The following KNDC1 variants were observed in gnomAD, a reference collection of about 807,000 sequenced individuals.
KNDC1 encodes the protein kinase non-catalytic C-lobe domain-containing protein 1.
A neutral mutation model predicts 172.8 loss-of-function variants in KNDC1; 106 were observed. That is an observed-to-expected ratio of 0.61 (90% confidence interval 0.52 to 0.72). KNDC1 has a LOEUF of 0.72. Among genes scored for constraint, KNDC1 ranks in the 30% least tolerant of loss-of-function variants. The pLI, the probability that KNDC1 is intolerant of heterozygous loss-of-function variation, is 0.00. For synonymous variants in KNDC1, 1,083 were observed against 1,062.2 expected, an observed-to-expected ratio of 1.02 and a Z score of -0.38; for missense variants, 2,325 against 2,394.5, an observed-to-expected ratio of 0.97 and a Z score of 0.61.
chr10:133,184,974 C>G (rs1564883314), intron 5 of KNDC1, among the ~76,000 whole-genome samples: 1 of 152,284 alleles, frequency 6.6e-6, no homozygotes, highest in Non-Finnish European at 1.5e-5. Context: ...ATTCTGGTGT[C>G]TCTCAGGCCG....
At position 133,224,912 on chromosome 10, in the gene KNDC1, A is replaced by G. The variant is rs981773893; in HGVS notation, c.*22A>G. 1.9e-6 allele frequency: 3 copies of G among 1,585,552 alleles called. No individual in the cohort carries two copies. In the Admixed American group the frequency reaches 5.0e-5, roughly 27 times the overall value. On this transcript the variant is annotated 3_prime_UTR_variant, in exon 30 of 30. Transcript: ENST00000304613. This position sits in a 1 kb window ranked among gnomAD's most constrained non-coding sequence, Gnocchi z 5.4. The stretch of plus-strand genomic sequence containing the variant: ...GTAGCCGAGCTCGGGCCTGGTGTGG[A>G]ATTCCAGATCCGAATCCGACTGTGG...
chr10:133,195,626 C>G (rs766682287), intron 9 of KNDC1, 37 bp from the exon 10 acceptor site: 1 of 1,499,668 alleles, frequency 6.7e-7, no homozygotes, highest in Non-Finnish European at 8.9e-7. Flanking sequence ...CAGCCCACAG[C>G]CCTGCGGTAG....
Position 133,212,886 on chromosome 10 carries a change from T to C in KNDC1, c.4407T>C (p.Thr1469=). 6.2e-6 allele frequency: 10 copies of C among 1,613,486 alleles called. No individual in the cohort carries two copies. Among genetic ancestry groups the C allele is most frequent in the Non-Finnish European group, 8.5e-6 (10 of 1,179,662 alleles). ...CCTACTTCCTGACGGAGTACAGCAC[T>C]CACCAGCTCTTCAGCCAGCTCACGC... ...KGPYFLTEYS[T]HQLFSQLTLL... Residue 1469 remains threonine, a synonymous_variant, in exon 24 of 30, where the codon ACT becomes ACC. Transcript: ENST00000304613.
Position 133,207,135 on chromosome 10 carries a change from A to C in KNDC1, c.3580-2A>C, listed in dbSNP as rs1252758227. The C allele has an allele frequency of 1.3e-6, 2 of 1,583,350 alleles. No homozygotes were observed. Among genetic ancestry groups the C allele is most frequent in the Non-Finnish European group, 1.7e-6 (2 of 1,165,758 alleles). On this transcript the variant is annotated splice_acceptor_variant, in intron 19 of 29. Coordinates refer to ENST00000304613, the MANE Select transcript of KNDC1 (RefSeq NM_152643.8). LOFTEE classifies it high-confidence loss of function. ...CCAAGCGCCCGTGTCCCGCTCCGGC[A>C]GGTCATGTACGCGGAACGCTGGGGC... is the stretch of plus-strand genomic sequence containing the variant.
At chr10:133,175,030 G>A (rs1407104385) in intron 3 of KNDC1, among the ~76,000 whole-genome samples, 1 of 150,278 alleles carries the variant, frequency 6.7e-6, no homozygotes, top group African/African-American at 2.5e-5. Context: ...TGGAAAGATG[G>A]GTGGAAAGGT....
chr10:133,179,363 C>T (rs1853649468), intron 3 of KNDC1: 1 of 152,210 alleles, frequency 6.6e-6, no homozygotes, highest in Admixed American at 6.5e-5. Context: ...GTGGACCCAC[C>T]ACGCTGAGTG....
Position 133,186,373 on chromosome 10 carries a change from G to A in KNDC1, c.1025G>A (p.Arg342Lys), listed in dbSNP as rs764753310. Reference protein sequence around the residue: ...PISELFSPDPRKAFLDRKNGL... With the variant: ...PISELFSPDPKKAFLDRKNGL... ...TCGGAATTATTCTCTCCGGACCCCA[G>A]GAAGGCCTTTCTGGACAGGAAAAAT... is the stretch of plus-strand genomic sequence containing the variant. Residue 342 changes from arginine to lysine, a missense_variant, in exon 6 of 30, where the codon AGG becomes AAG. By Grantham distance (26) the Arg-to-Lys change is conservative. Transcript: ENST00000304613. 3.1e-6 allele frequency: 5 copies of A among 1,612,758 alleles called. No individual in the cohort carries two copies. The highest frequency in any genetic ancestry group is 1.1e-5 in the South Asian group (1 of 91,082).
chr10:133,216,646 T>C (rs774800951), intron 26 of KNDC1, among the ~76,000 whole-genome samples: 10 of 152,040 alleles, frequency 6.6e-5, no homozygotes, highest in Non-Finnish European at 1.3e-4. Flanking sequence ...CACGGCAGCC[T>C]AGACGACGGT....
chr10:133,175,192 A>G (rs987761916), intron 3 of KNDC1, among the ~76,000 whole-genome samples: 24 of 130,698 alleles, frequency 1.8e-4, no homozygotes, highest in Non-Finnish European at 3.4e-4. Flanking sequence ...GAGTGGGTGG[A>G]TGGGTGCATG....
chr10:133,216,027 G>A (rs973948072), intron 26 of KNDC1, among the ~76,000 whole-genome samples: 2 of 152,244 alleles, frequency 1.3e-5, no homozygotes, highest in African/African-American at 4.8e-5. Flanking sequence ...TTAGAGCCAC[G>A]ATGTCCTGAC....
rs142826884 is a variant in KNDC1, at chr10:133,195,720, C to T, written c.1633C>T (p.Arg545Cys). Residue 545 changes from arginine to cysteine, a missense_variant, in exon 10 of 30, where the codon CGC becomes TGC. Arg to Cys is a radical substitution (Grantham distance 180, BLOSUM62 -3). Coordinates refer to ENST00000304613, the MANE Select transcript of KNDC1 (RefSeq NM_152643.8). The part of the protein sequence containing the change: ...LWTAAKFSVP[R>C]NHKLALPRRL... ...GACCGCAGCCAAGTTCAGCGTCCCC[C>T]GCAACCACAAGCTGGCCCTGCCACG... 19 of 1,612,548 alleles carry T rather than the reference C, an allele frequency of 1.2e-5. No homozygotes were observed. The highest frequency in any genetic ancestry group is 1.1e-4 in the African/African-American group (8 of 74,924).
intron 21 of KNDC1, 96 bp downstream of exon 21, chr10:133,210,820 G>A: frequency 9.6e-7 from 1 of 1,045,706 alleles, no homozygotes; most frequent in Admixed American, 1.7e-5. Flanking sequence ...GAACGAGGTG[G>A]TCCCTGGCGA....
intron 3 of KNDC1, among the ~76,000 whole-genome samples, chr10:133,174,731 G>A (rs961300379): frequency 1.3e-5 from 2 of 151,810 alleles, no homozygotes; most frequent in African/African-American, 4.8e-5. Context: ...GTTAATATGT[G>A]GATGGATGGG....
intron 3 of KNDC1, among the ~76,000 whole-genome samples, chr10:133,171,076 T>G (rs1013841340): frequency 2.0e-5 from 3 of 152,230 alleles, no homozygotes; most frequent in Non-Finnish European, 2.9e-5. Flanking sequence ...ACAAGAAACC[T>G]TTCCCATTTC....
intron 20 of KNDC1, among the ~76,000 whole-genome samples, chr10:133,207,864 A>G (rs1589768270): frequency 6.6e-6 from 1 of 152,058 alleles, no homozygotes; most frequent in Non-Finnish European, 1.5e-5. Flanking sequence ...GGGCCCACTC[A>G]CCTCCACCAG....
chr10:133,187,265 G>A (rs780318785), intron 6 of KNDC1, among the ~76,000 whole-genome samples: 1 of 152,266 alleles, frequency 6.6e-6, no homozygotes, highest in Non-Finnish European at 1.5e-5. Context: ...CCCCTGGTCA[G>A]CTGCTCCTCA....
In KNDC1 at chr10:133,202,846, G is replaced by T. The variant is rs537691575; in HGVS notation, c.3387+948G>T. ...GCTACAGCCTCTGCACCTGCATCTC[G>T]GACACCCCACACAGGGCCTGAGGGG... On this transcript the variant is annotated intron_variant, in intron 17 of 29. Transcript: ENST00000304613. 32 of 346,064 alleles carry T rather than the reference G, an allele frequency of 9.2e-5. No individual in the cohort carries two copies. The East Asian group carries it at 2.6e-3, about 29-fold the overall frequency. 21.4% of individuals were successfully genotyped at this position (346,064 alleles called of 1,614,324 possible). A position where few individuals can be genotyped will look rare whatever the true frequency, so the allele number is the denominator to read the frequency against.
At chr10:133,189,694 C>T in intron 8 of KNDC1, 25 bp downstream of exon 8, 1 of 1,613,854 alleles carries the variant, frequency 6.2e-7, no homozygotes, top group Middle Eastern at 1.6e-4. Flanking sequence ...TCCCCTCAGG[C>T]CGAGTCCAGC....
At position 133,186,007 on chromosome 10, in the gene KNDC1, C is replaced by T; in HGVS notation, c.659C>T (p.Ala220Val). The T allele has an allele frequency of 6.4e-7, 1 of 1,556,658 alleles. No homozygotes were observed. Among genetic ancestry groups the T allele is most frequent in the African/African-American group, 1.4e-5 (1 of 73,020 alleles). ...VSESSWRERP[A>V]PGNAGPRRPP... ...GAGAGCAGCTGGCGGGAGAGACCTG[C>T]CCCAGGAAACGCTGGGCCCAGGAGG... Residue 220 changes from alanine to valine, a missense_variant, in exon 6 of 30, where the codon GCC becomes GTC. Physicochemically the swap from Ala to Val is moderately conservative, Grantham distance 64 (BLOSUM62 0). Transcript: ENST00000304613.
Sources: allele counts gnomAD v4.1 joint callset (sites outside exome capture counted in the v4.1 genomes callset), GRCh38; gene constraint gnomAD v4.1.1; non-coding constraint Gnocchi (gnomAD v3.1); transcripts MANE v1.5; gene names NCBI Gene and HGNC (gene_info 2026-07-23, HGNC 2026-07-21).